SLC67A1: variants seen among roughly 807,000 people sequenced by gnomAD.
SLC67A1 encodes the protein solute carrier family 67 member A1.
the SLC67A1 span, among the ~76,000 whole-genome samples, chr11:2,911,441 G>T: frequency 2.0e-5 from 3 of 152,088 alleles, no homozygotes; most frequent in Non-Finnish European, 2.9e-5. Context: ...GGGCTGGCAG[G>T]TGTGAGGTGT....
chr11:2,905,818 G>A, the SLC67A1 span, among the ~76,000 whole-genome samples: 1 of 152,236 alleles, frequency 6.6e-6, no homozygotes, highest in African/African-American at 2.4e-5. Context: ...AACAGGATGT[G>A]AGCATGCTCC....
chr11:2,901,166 G>C, the SLC67A1 span, among the ~76,000 whole-genome samples: 2 of 152,144 alleles, frequency 1.3e-5, no homozygotes, highest in Non-Finnish European at 2.9e-5. Flanking sequence ...TTTTTCTTCC[G>C]AAGCTGCTTC....
At chr11:2,921,930 C>T in the SLC67A1 span, 41 of 646,886 alleles carry the variant, frequency 6.3e-5, no homozygotes, top group African/African-American at 2.4e-4. Flanking sequence ...TCACTGCTGG[C>T]GGAGTAGGGA....
chr11:2,916,647 G>T, the SLC67A1 span: 12 of 1,612,448 alleles, frequency 7.4e-6, no homozygotes, highest in Non-Finnish European at 9.3e-6. Flanking sequence ...CATCCTGGCT[G>T]CCCTGGCCAC....
the SLC67A1 span, among the ~76,000 whole-genome samples, chr11:2,906,383 G>T: frequency 6.6e-6 from 1 of 152,176 alleles, no homozygotes; most frequent in Non-Finnish European, 1.5e-5. Flanking sequence ...ATACCCAAAG[G>T]ATTATAAATC....
the SLC67A1 span, chr11:2,919,710 C>A: frequency 2.3e-6 from 1 of 428,020 alleles, no homozygotes; most frequent in Non-Finnish European, 4.2e-6. Context: ...CAAATCTGTC[C>A]CATGAGGCCA....
the SLC67A1 span, chr11:2,915,113 C>G: frequency 6.4e-5 from 63 of 985,388 alleles, no homozygotes; most frequent in East Asian, 1.9e-3. Context: ...CCAGCACCCC[C>G]CTAGACTGAT....
the SLC67A1 span, chr11:2,903,670 G>A: frequency 3.8e-5 from 25 of 657,926 alleles, no homozygotes; most frequent in East Asian, 1.1e-4. Flanking sequence ...CTGGACCCCC[G>A]TCAGCACATC....
chr11:2,914,595 C>T, the SLC67A1 span: 1 of 579,664 alleles, frequency 1.7e-6, no homozygotes, highest in Non-Finnish European at 2.2e-6. Context: ...TCCAGGGTCC[C>T]CCAGCCCCAG....
chr11:2,909,717 G>A, the SLC67A1 span: 1 of 1,501,528 alleles, frequency 6.7e-7, no homozygotes. Flanking sequence ...ACGGGTGAGT[G>A]GTGGGGGCCG....
the SLC67A1 span, among the ~76,000 whole-genome samples, chr11:2,924,343 A>AG: frequency 6.6e-6 from 1 of 151,950 alleles, no homozygotes; most frequent in Non-Finnish European, 1.5e-5. This position sits in a 1 kb window ranked among gnomAD's most constrained non-coding sequence, Gnocchi z 8.6. Flanking sequence ...CAGCCCTGTG[A>AG]GGGGGAGTTC....
At chr11:2,909,733 G>A in the SLC67A1 span, 1 of 1,464,226 alleles carries the variant, frequency 6.8e-7, no homozygotes, top group Admixed American at 2.5e-5. Context: ...GGCCGGGGCG[G>A]AGTCTGTGGG....
chr11:2,909,814 G>T, the SLC67A1 span: 5 of 1,236,562 alleles, frequency 4.0e-6, no homozygotes, highest in Non-Finnish European at 5.3e-6. Flanking sequence ...TTGCTCGTGG[G>T]GCGCGAGTGG....
At chr11:2,913,581 T>A in the SLC67A1 span, among the ~76,000 whole-genome samples, 1 of 152,090 alleles carries the variant, frequency 6.6e-6, no homozygotes, top group Admixed American at 6.5e-5. Flanking sequence ...GGCAAGATGT[T>A]CATTTTCAAA....
At chr11:2,911,687 T>C in the SLC67A1 span, among the ~76,000 whole-genome samples, 17,593 of 152,070 alleles carry the variant, frequency 0.12, 1,140 homozygotes, top group Non-Finnish European at 0.14. Flanking sequence ...CTGCCCTTAC[T>C]CACCCACAAC....
chr11:2,921,932 G>T, the SLC67A1 span: 2 of 653,616 alleles, frequency 3.1e-6, no homozygotes, highest in African/African-American at 1.8e-5. Flanking sequence ...ACTGCTGGCG[G>T]AGTAGGGAGA....
chr11:2,909,048 C>A, the SLC67A1 span: 2 of 671,356 alleles, frequency 3.0e-6, no homozygotes, highest in Non-Finnish European at 4.8e-6. Context: ...AGGAGGGAGG[C>A]CTCCCAGCAG....
the SLC67A1 span, chr11:2,908,191 G>A: frequency 6.9e-7 from 1 of 1,438,882 alleles, no homozygotes; most frequent in Non-Finnish European, 9.8e-7. Flanking sequence ...AGGCCCTGCA[G>A]TCTTTCCCAG....
At chr11:2,903,761 A>C in the SLC67A1 span, 2 of 523,186 alleles carry the variant, frequency 3.8e-6, no homozygotes, top group South Asian at 2.2e-5. Flanking sequence ...GCACCTCCTC[A>C]AACCTTCCTA....
Sources: gnomAD v4.1 joint callset for allele counts (sites outside exome capture counted in the v4.1 genomes callset) on GRCh38, gnomAD v4.1.1 for gene constraint, Gnocchi (gnomAD v3.1) non-coding constraint, MANE v1.5 for transcripts, NCBI Gene and HGNC (gene_info 2026-07-23, HGNC 2026-07-21) for gene names.